GALNTL6: variants seen among roughly 807,000 people sequenced by gnomAD.
GALNTL6 encodes the protein polypeptide N-acetylgalactosaminyltransferase-like 6.
GALNTL6 carries 46 observed loss-of-function variants against 73.7 expected under a neutral mutation model. That is an observed-to-expected ratio of 0.62 (90% CI 0.49 to 0.80). The LOEUF (loss-of-function observed/expected upper bound fraction) is 0.80. GALNTL6 is among the 30% of genes least tolerant of loss of function. GALNTL6 has a pLI of 0.00. For missense variants in GALNTL6, 604 were observed against 755.0 expected (o/e 0.80, Z 2.34); for synonymous variants, 259 against 263.7 (o/e 0.98, Z 0.17).
Position 172,057,727 on chromosome 4 carries a change from A to ATT in GALNTL6, c.139-171929_139-171928insTT, listed in dbSNP as rs1309303202. ...AAAAAAAAAAAAAAAAAAAAAAAAA[A>ATT]ATATATATATATATATATATATATA... On this transcript the variant is annotated intron_variant, in intron 2 of 12. Coordinates refer to ENST00000506823, the MANE Select transcript of GALNTL6 (RefSeq NM_001034845.3). Among the ~76,000 whole-genome samples the ATT allele has an allele frequency of 9.9e-3, 458 of 46,158 alleles. 4 individuals are homozygous for ATT. The highest frequency in any genetic ancestry group is 0.013 in the African/African-American group (159 of 12,216). The allele number at this position is 46,158 out of a possible 152,430, so 30.3% of individuals were successfully genotyped here. A position where few individuals can be genotyped will look rare whatever the true frequency, so the allele number is the denominator to read the frequency against.
chr4:172,679,534 G>A lies in GALNTL6; in HGVS notation c.554-129827G>A, dbSNP rs182033218. On this transcript the variant is annotated intron_variant, in intron 5 of 12. Transcript: ENST00000506823. ...TTGACAGAGTGGGCCTATTGCTTCT[G>A]AAGTTGCTTGCTTCTACAGTGTTAT... Among the ~76,000 whole-genome samples the A allele has an allele frequency of 6.1e-4, 93 of 152,112 alleles. 1 individual carries two copies. In the South Asian group the frequency reaches 0.016, roughly 26 times the overall value.
At chr4:172,596,458 A>AG (rs2111012685) in intron 5 of GALNTL6, among the ~76,000 whole-genome samples, 1 of 105,580 alleles carries the variant, frequency 9.5e-6, no homozygotes, top group Admixed American at 1.1e-4. Context: ...AAAAAAAAAA[A>AG]AGAAAAAAAA....
At chr4:171,982,919 C>A (rs745633174) in intron 2 of GALNTL6, among the ~76,000 whole-genome samples, 27 of 152,128 alleles carry the variant, frequency 1.8e-4, no homozygotes, top group Non-Finnish European at 3.7e-4. Flanking sequence ...GCCTCATTTT[C>A]TCTTTTCACA....
intron 5 of GALNTL6, among the ~76,000 whole-genome samples, chr4:172,424,584 C>T (rs1029052198): frequency 3.3e-5 from 5 of 152,114 alleles, no homozygotes; most frequent in African/African-American, 4.8e-5. Context: ...GCCTCCAGTT[C>T]AGTGGGCGGA....
intron 7 of GALNTL6, among the ~76,000 whole-genome samples, chr4:172,850,886 G>A (rs1010260302): frequency 6.6e-6 from 1 of 152,098 alleles, no homozygotes; most frequent in African/African-American, 2.4e-5. Flanking sequence ...GATGTGTAGG[G>A]CAGGGGACAG....
Position 172,512,894 on chromosome 4 carries a change from A to G in GALNTL6, c.553+164205A>G, listed in dbSNP as rs78872063. Reference sequence around the variant, plus strand: ...TTAAGATTCTTTCATTCTTTCTTTCATCTTCATTTTAGTTAACTTGATGGC... The same window carrying G: ...TTAAGATTCTTTCATTCTTTCTTTCGTCTTCATTTTAGTTAACTTGATGGC... On this transcript the variant is annotated intron_variant, in intron 5 of 12. Transcript: ENST00000506823. Among the ~76,000 whole-genome samples, 323 of 152,032 alleles carry G rather than the reference A, an allele frequency of 2.1e-3. 2 individuals carry two copies. The highest frequency in any genetic ancestry group is 7.4e-3 in the African/African-American group (308 of 41,440).
rs1213465588 is a variant in GALNTL6 at position 171,821,839 on chromosome 4, T to C, written c.138+7121T>C. The stretch of plus-strand genomic sequence containing the variant: ...TAGGGAGGACTGTTGAATAAGCCAA[T>C]AGAGTCTTAGAAACTAAAAGGGCAT... On this transcript the variant is annotated intron_variant, in intron 2 of 12. Transcript: ENST00000506823. Among the ~76,000 whole-genome samples, 5 of 152,146 alleles carry C rather than the reference T, an allele frequency of 3.3e-5. No homozygotes were observed. The South Asian group carries it at 6.2e-4, about 19-fold the overall frequency.
At chr4:172,094,010 A>G (rs1732280998) in intron 2 of GALNTL6, among the ~76,000 whole-genome samples, 1 of 152,168 alleles carries the variant, frequency 6.6e-6, no homozygotes, top group Non-Finnish European at 1.5e-5. Context: ...TCTGTGGAAA[A>G]ATTGTCTTCC....
chr4:172,681,313 T>G (rs1732621786), intron 5 of GALNTL6, among the ~76,000 whole-genome samples: 1 of 152,102 alleles, frequency 6.6e-6, no homozygotes, highest in Non-Finnish European at 1.5e-5. Context: ...TTTATTGATT[T>G]AATAGATTAA....
At chr4:173,038,945 A>C (rs1251271059) in intron 12 of GALNTL6, among the ~76,000 whole-genome samples, 2 of 152,208 alleles carry the variant, frequency 1.3e-5, no homozygotes, top group Non-Finnish European at 2.9e-5. Flanking sequence ...AAATATAAGC[A>C]GGGATTTGGG....
At chr4:173,033,065 A>T (rs989988852) in intron 12 of GALNTL6, among the ~76,000 whole-genome samples, 1 of 152,004 alleles carries the variant, frequency 6.6e-6, no homozygotes. Context: ...CAGTGGCGTG[A>T]TCTCAGCTCA....
At chr4:172,219,213 A>ATATATATATATATATATATATATG (rs1736595495) in intron 2 of GALNTL6, among the ~76,000 whole-genome samples, 1 of 146,724 alleles carries the variant, frequency 6.8e-6, no homozygotes. Flanking sequence ...ATATATATAT[A>ATATATATATATATATATATATATG]TATATATATA....
rs545756273 is a variant in GALNTL6 at position 171,817,389 on chromosome 4, T to A, written c.138+2671T>A. Among the ~76,000 whole-genome samples, 6 of 151,998 alleles carry A rather than the reference T, an allele frequency of 3.9e-5. No individual in the cohort carries two copies. In the East Asian group the frequency reaches 1.2e-3, roughly 29 times the overall value. ...AATTCAAAATTATGGAATGGCTAAT[T>A]CTTTTAAAATATACGTTATTTATAT... On this transcript the variant is annotated intron_variant, in intron 2 of 12. Transcript: ENST00000506823.
At chr4:172,282,019 C>CA (rs1309851750) in intron 3 of GALNTL6, among the ~76,000 whole-genome samples, 1 of 151,630 alleles carries the variant, frequency 6.6e-6, no homozygotes, top group Non-Finnish European at 1.5e-5. Flanking sequence ...TAAAATGACA[C>CA]AAAAAGTACT....
At chr4:172,230,512 T>TG (rs1737022262) in intron 3 of GALNTL6, among the ~76,000 whole-genome samples, 1 of 147,248 alleles carries the variant, frequency 6.8e-6, no homozygotes, top group Non-Finnish European at 1.5e-5. Flanking sequence ...GCCCGGGGGG[T>TG]GGAGCTTGCA....
At chr4:172,604,545 C>G (rs1738188556) in intron 5 of GALNTL6, among the ~76,000 whole-genome samples, 1 of 152,062 alleles carries the variant, frequency 6.6e-6, no homozygotes, top group East Asian at 1.9e-4. Context: ...ATCTCAAAGT[C>G]TTTGAAACTT....
intron 10 of GALNTL6, 96 bp from the exon 11 acceptor site, chr4:173,009,082 T>C (rs923240689): frequency 9.3e-5 from 74 of 792,314 alleles, no homozygotes; most frequent in Non-Finnish European, 1.6e-4. Context: ...ACCAAAAAGA[T>C]AATCTATGTC....
At chr4:172,253,553 C>T (rs2111019876) in intron 3 of GALNTL6, among the ~76,000 whole-genome samples, 1 of 151,986 alleles carries the variant, frequency 6.6e-6, no homozygotes, top group South Asian at 2.1e-4. Flanking sequence ...TGTGTAAGCC[C>T]TGCTATTCTT....
At chr4:172,918,170 A>G (rs988143708) in intron 8 of GALNTL6, among the ~76,000 whole-genome samples, 1 of 152,162 alleles carries the variant, frequency 6.6e-6, no homozygotes, top group African/African-American at 2.4e-5. Context: ...GCTCTCACTC[A>G]TAAGTGGGAA....
Sources: gnomAD v4.1 joint callset for allele counts (sites outside exome capture counted in the v4.1 genomes callset) on GRCh38, gnomAD v4.1.1 for gene constraint, MANE v1.5 for transcripts, NCBI Gene and HGNC (gene_info 2026-07-23, HGNC 2026-07-21) for gene names.